The following MAML3 variants were observed in gnomAD, a reference collection of about 807,000 sequenced individuals.
MAML3 encodes the protein mastermind-like protein 3.
A neutral mutation model predicts 101.9 loss-of-function variants in MAML3; 27 were observed. The observed-to-expected ratio is 0.27, with a 90% CI of 0.20 to 0.37. The LOEUF (loss-of-function observed/expected upper bound fraction) is 0.37, where lower values mean the gene tolerates loss of function less well. Ranked by LOEUF, MAML3 falls within the 10% of genes least tolerant of loss-of-function variation. The pLI, the probability that MAML3 is intolerant of heterozygous loss-of-function variation, is 1.00. For missense variants in MAML3, 1,316 were observed against 1,444.9 expected, an observed-to-expected ratio of 0.91 and a Z score of 1.45; for synonymous variants, 501 against 555.9, an observed-to-expected ratio of 0.90 and a Z score of 1.39.
chr4:139,917,489 AT>A (rs1043748460), intron 1 of MAML3, among the ~76,000 whole-genome samples: 19 of 152,230 alleles, frequency 1.2e-4, no homozygotes, highest in African/African-American at 4.6e-4. Flanking sequence ...AGCTGAGGAT[AT>A]TTTGCTAGAG....
In MAML3 at chr4:140,153,224, T is replaced by G; in HGVS notation, c.104A>C (p.Asn35Thr). The change falls in exon 1 of 5, where the codon AAT (asparagine) becomes ACT (threonine). Residue 35 changes from asparagine (N) to threonine (T), a missense_variant. Physicochemically the swap from Asn to Thr is moderately conservative, Grantham distance 65. Transcript: ENST00000509479. ...SLGGAGIGVN[N>T]TPNSTPAAPS... ...AGCAGCGGGAGTACTATTGGGAGTA[T>G]TATTCACACCGATCCCGGCCCCGCC... The G allele has an allele frequency of 6.4e-7, 1 of 1,574,710 alleles. No homozygotes were observed. The highest frequency in any genetic ancestry group is 1.3e-5 in the African/African-American group (1 of 74,156).
At position 140,153,552 on chromosome 4, in the gene MAML3, G is replaced by C; in HGVS notation, c.-225C>G. ...TGTAAAAGCTCAAGGGGAAGAAAAGGGGGGAACGTTATCGGAATACCATCA... is the reference window on the plus strand; with the variant it reads ...TGTAAAAGCTCAAGGGGAAGAAAAGCGGGGAACGTTATCGGAATACCATCA... On this transcript the variant is annotated 5_prime_UTR_variant, in exon 1 of 5. Coordinates refer to ENST00000509479, the MANE Select transcript of MAML3 (RefSeq NM_018717.5). 1 of 517,016 alleles carries C rather than the reference G, an allele frequency of 1.9e-6. No individual in the cohort carries two copies. Among genetic ancestry groups the C allele is most frequent in the South Asian group, 3.2e-5 (1 of 31,706 alleles). The allele number at this position is 517,016 out of a possible 1,614,324, so 32.0% of individuals were successfully genotyped here. A position where few individuals can be genotyped will look rare whatever the true frequency, so the allele number is the denominator to read the frequency against.
intron 1 of MAML3, among the ~76,000 whole-genome samples, chr4:140,069,531 G>T (rs1372669383): frequency 9.9e-6 from 1 of 101,132 alleles, no homozygotes; most frequent in Non-Finnish European, 1.9e-5. Flanking sequence ...AGGAGAAGGA[G>T]AAAGGAAGAA....
At chr4:139,852,449 G>A (rs560832769) in intron 2 of MAML3, among the ~76,000 whole-genome samples, 1 of 110,302 alleles carries the variant, frequency 9.1e-6, no homozygotes, top group South Asian at 2.9e-4. Context: ...GTCTCACTCT[G>A]TCACCCAGGC....
At chr4:140,010,179 A>T (rs956829020) in intron 1 of MAML3, among the ~76,000 whole-genome samples, 4 of 152,250 alleles carry the variant, frequency 2.6e-5, no homozygotes, top group African/African-American at 9.6e-5. Context: ...ACTTAAAAAA[A>T]TTAATGTGTA....
intron 1 of MAML3, among the ~76,000 whole-genome samples, chr4:140,062,031 T>C (rs1463604512): frequency 6.6e-6 from 1 of 152,132 alleles, no homozygotes; most frequent in Non-Finnish European, 1.5e-5. Flanking sequence ...TAAATAGCAT[T>C]GTCAAGTAGG....
intron 1 of MAML3, among the ~76,000 whole-genome samples, chr4:139,979,756 G>C (rs907920889): frequency 3.3e-5 from 5 of 152,190 alleles, no homozygotes; most frequent in Non-Finnish European, 4.4e-5. Context: ...TGGAGACAGA[G>C]AGTAGCCCTC....
At chr4:139,879,561 AAG>A (rs982568733) in intron 2 of MAML3, among the ~76,000 whole-genome samples, 1 of 147,990 alleles carries the variant, frequency 6.8e-6, no homozygotes, top group African/African-American at 2.5e-5. Context: ...GAAAAGAAAA[AAG>A]AGAAAGAAAA....
At chr4:139,830,320 T>C (rs1308280905) in intron 2 of MAML3, among the ~76,000 whole-genome samples, 4 of 152,202 alleles carry the variant, frequency 2.6e-5, no homozygotes, top group African/African-American at 9.7e-5. Flanking sequence ...TAACTGCAAT[T>C]TCAAAATAAT....
intron 1 of MAML3, among the ~76,000 whole-genome samples, chr4:140,018,297 G>A (rs1372887467): frequency 2.4e-5 from 2 of 84,076 alleles, no homozygotes; most frequent in Non-Finnish European, 7.5e-5. Context: ...ATGTCAAAGT[G>A]GAAAATGAAT....
intron 1 of MAML3, among the ~76,000 whole-genome samples, chr4:139,950,407 CCA>C (rs1308769146): frequency 6.6e-6 from 1 of 152,130 alleles, no homozygotes; most frequent in Non-Finnish European, 1.5e-5. Flanking sequence ...TTGCCAGCCC[CCA>C]CAGTCAAATA....
At chr4:140,072,083 A>C (rs1281791331) in intron 1 of MAML3, among the ~76,000 whole-genome samples, 1 of 151,892 alleles carries the variant, frequency 6.6e-6, no homozygotes, top group Non-Finnish European at 1.5e-5. Flanking sequence ...CATTCCACCC[A>C]CTCCCTCAAC....
intron 2 of MAML3, among the ~76,000 whole-genome samples, chr4:139,875,249 C>A (rs1440280422): frequency 6.6e-6 from 1 of 152,182 alleles, no homozygotes; most frequent in Non-Finnish European, 1.5e-5. Context: ...CACTCTGCCA[C>A]CCTCCCTACG....
At chr4:139,872,825 C>T (rs1732041238) in intron 2 of MAML3, among the ~76,000 whole-genome samples, 1 of 152,078 alleles carries the variant, frequency 6.6e-6, no homozygotes, top group Non-Finnish European at 1.5e-5. Context: ...TGCCTGTAAT[C>T]CCAGCACTTT....
intron 1 of MAML3, 92 bp from the exon 2 acceptor site, chr4:139,891,059 T>G: frequency 7.1e-7 from 1 of 1,407,790 alleles, no homozygotes; most frequent in African/African-American, 1.4e-5. Flanking sequence ...AACTAACTTT[T>G]AAGTGGTTTA....
intron 2 of MAML3, among the ~76,000 whole-genome samples, chr4:139,790,850 T>G (rs1161186824): frequency 6.6e-6 from 1 of 152,226 alleles, no homozygotes; most frequent in African/African-American, 2.4e-5. Context: ...ATGCTGTACC[T>G]GAGTAACTTT....
Position 140,122,291 on chromosome 4 carries a change from G to A in MAML3, c.468+30569C>T, listed in dbSNP as rs781472887. Among the ~76,000 whole-genome samples, 8 of 145,092 alleles carry A rather than the reference G, an allele frequency of 5.5e-5. No homozygotes were observed. The East Asian group carries it at 1.5e-3, about 27-fold the overall frequency. ...GGCTGGAGTGCAATAGCGCAATCTC[G>A]GCTCATTGCAACCTCTGGCTCCCAA... is the stretch of plus-strand genomic sequence containing the variant. On this transcript the variant is annotated intron_variant, in intron 1 of 4. Transcript: ENST00000509479.
chr4:140,099,235 A>T (rs1189778018), intron 1 of MAML3, among the ~76,000 whole-genome samples: 6 of 151,312 alleles, frequency 4.0e-5, no homozygotes, highest in African/African-American at 1.5e-4. Context: ...TATATCACAC[A>T]CACACACACA....
intron 2 of MAML3, among the ~76,000 whole-genome samples, chr4:139,768,722 T>C (rs1729914206): frequency 6.6e-6 from 1 of 152,228 alleles, no homozygotes; most frequent in African/African-American, 2.4e-5. Context: ...AGACCAGTCC[T>C]GCTGCAGCAC....
Sources: gnomAD v4.1 joint callset for allele counts (sites outside exome capture counted in the v4.1 genomes callset) on GRCh38, gnomAD v4.1.1 for gene constraint, MANE v1.5 for transcripts, NCBI Gene and HGNC (gene_info 2026-07-23, HGNC 2026-07-21) for gene names.